NEK9: variants seen among roughly 807,000 people sequenced by gnomAD.
The protein encoded by NEK9 is NIMA related kinase 9.
In NEK9, 75 loss-of-function variants were observed where a neutral mutation model predicts 123.4. The ratio of observed to expected loss-of-function variants is 0.61; its 90% CI spans 0.50 to 0.74. The LOEUF (loss-of-function observed/expected upper bound fraction) is 0.74. Among genes scored for constraint, NEK9 ranks in the 30% least tolerant of loss-of-function variants. NEK9 has a pLI of 0.00. For synonymous variants in NEK9, 438 were observed against 458.7 expected (o/e 0.95, Z 0.58); for missense variants, 952 against 1,214.4 (o/e 0.78, Z 3.21).
intron 1 of NEK9, among the ~76,000 whole-genome samples, chr14:75,125,897 C>A (rs1405823269): frequency 1.3e-5 from 2 of 152,174 alleles, no homozygotes; most frequent in East Asian, 3.9e-4. Context: ...TCTAGTGTAT[C>A]GTTAGTTTTT....
intron 2 of NEK9, among the ~76,000 whole-genome samples, chr14:75,123,445 T>G (rs1285964149): frequency 6.6e-6 from 1 of 151,926 alleles, no homozygotes; most frequent in East Asian, 1.9e-4. Flanking sequence ...ATGAGGAAAC[T>G]GAGGCACAGA....
At chr14:75,110,725 T>C (rs1894933597) in intron 8 of NEK9, among the ~76,000 whole-genome samples, 1 of 151,886 alleles carries the variant, frequency 6.6e-6, no homozygotes, top group Non-Finnish European at 1.5e-5. Flanking sequence ...TATCTCCAAA[T>C]ATGAGCTTGT....
upstream of NEK9, chr14:75,127,141 GC>G (rs1262259472): frequency 2.1e-6 from 1 of 478,110 alleles, no homozygotes; most frequent in African/African-American, 2.0e-5. Flanking sequence ...TAGTCTAGCG[GC>G]CAAGGCTTCC....
Position 75,101,657 on chromosome 14 carries a change from C to A in NEK9, c.1840G>T (p.Glu614Ter). 1.2e-6 allele frequency: 2 copies of A among 1,601,928 alleles called. No homozygotes were observed. Among genetic ancestry groups the A allele is most frequent in the Non-Finnish European group, 1.7e-6 (2 of 1,169,146 alleles). ...PGKTHTAAIDERGRLLTFGCN... is the reference protein window; with the variant it reads ...PGKTHTAAID ...GTGATACAGTTGTAAATCAACTTAC[C>A]ATCAATAGCAGCTGTGTGAGTCTTG... The change falls in exon 15 of 22, where the codon GAG (glutamate) becomes TAG (stop). Residue 614 changes from glutamate (E) to a stop codon, truncating the protein, a stop_gained and splice_region_variant. Coordinates refer to ENST00000238616, the MANE Select transcript of NEK9 (RefSeq NM_033116.6). LOFTEE classifies it high-confidence loss of function.
chr14:75,118,773 G>T, intron 5 of NEK9, 57 bp downstream of exon 5: 1 of 992,670 alleles, frequency 1.0e-6, no homozygotes, highest in Non-Finnish European at 1.6e-6. Flanking sequence ...AGGGAGTACA[G>T]TTATATTTCA....
rs1895048724 is a variant in NEK9, at chr14:75,114,087, ACT to A, written c.873+114_873+115del. On this transcript the variant is annotated intron_variant, in intron 7 of 21. Coordinates refer to ENST00000238616, the MANE Select transcript of NEK9 (RefSeq NM_033116.6). ...CTATTCTGGGTATAGCCACAAATAC[ACT>A]CTACCCTGGGGAAGTGGATGTGGTT... 6 of 685,040 alleles carry A rather than the reference ACT, an allele frequency of 8.8e-6. No homozygotes were observed. In the Admixed American group the frequency reaches 1.0e-4, roughly 12 times the overall value. The allele number at this position is 685,040 out of a possible 1,614,324, so 42.4% of individuals were successfully genotyped here. A position where few individuals can be genotyped will look rare whatever the true frequency, so the allele number is the denominator to read the frequency against.
intron 14 of NEK9, among the ~76,000 whole-genome samples, 198 bp from the exon 15 acceptor site, chr14:75,101,963 C>G (rs1480852756): frequency 6.6e-6 from 1 of 152,148 alleles, no homozygotes; most frequent in Non-Finnish European, 1.5e-5. Context: ...GAGAATGCAG[C>G]ACATGAGGCA....
chr14:75,105,767 G>A (rs985099790), intron 13 of NEK9, among the ~76,000 whole-genome samples, 183 bp downstream of exon 13: 2 of 152,176 alleles, frequency 1.3e-5, no homozygotes, highest in African/African-American at 4.8e-5. Flanking sequence ...TCAATTTTCT[G>A]TGATTTGGTC....
intron 8 of NEK9, among the ~76,000 whole-genome samples, chr14:75,110,713 A>G (rs1236410061): frequency 6.6e-6 from 1 of 151,842 alleles, no homozygotes; most frequent in Non-Finnish European, 1.5e-5. Flanking sequence ...TCCCAAACTC[A>G]GTATCTCCAA....
intron 10 of NEK9, among the ~76,000 whole-genome samples, chr14:75,108,991 G>A (rs187218878): frequency 2.6e-5 from 4 of 152,352 alleles, no homozygotes; most frequent in Admixed American, 2.0e-4. Flanking sequence ...GAAGGAGGGA[G>A]TGGTCAACTA....
At chr14:75,093,199 T>G (rs752314230) in intron 18 of NEK9, among the ~76,000 whole-genome samples, 3 of 152,178 alleles carry the variant, frequency 2.0e-5, no homozygotes, top group Non-Finnish European at 4.4e-5. Context: ...TCTGGAGTGC[T>G]CAATAGCCAC....
rs186733796 is a variant in NEK9, at chr14:75,090,986, A to C, written c.2442+284T>G. ...ATGACAGTATAAAATCTGTAAGCTT[A>C]ATCTTTATATACATGTACTACAAAA... On this transcript the variant is annotated intron_variant, in intron 19 of 21. Transcript: ENST00000238616. 8.5e-5 allele frequency among the ~76,000 whole-genome samples: 13 copies of C among 152,362 alleles called. No homozygotes were observed. In the East Asian group the frequency reaches 2.5e-3, roughly 29 times the overall value.
intron 12 of NEK9, 114 bp downstream of exon 12, chr14:75,106,388 T>TA: frequency 1.3e-6 from 1 of 748,276 alleles, no homozygotes; most frequent in Non-Finnish European, 2.2e-6. Context: ...AAAAAAAAGA[T>TA]TTACTGAATT....
chr14:75,097,801 T>A (rs1894437595), intron 16 of NEK9, among the ~76,000 whole-genome samples: 1 of 152,112 alleles, frequency 6.6e-6, no homozygotes, highest in Admixed American at 6.6e-5. Context: ...TGAACAGAGA[T>A]CTACTGGAGT....
chr14:75,103,193 T>TAAAAAAAAAAAA (rs565837587), intron 14 of NEK9, among the ~76,000 whole-genome samples: 1 of 113,004 alleles, frequency 8.8e-6, no homozygotes, highest in African/African-American at 3.3e-5. Context: ...AAAAGTATAA[T>TAAAAAAAAAAAA]AAAAAAAAAA....
chr14:75,101,791 G>A, intron 14 of NEK9, 26 bp from the exon 15 acceptor site: 2 of 1,504,304 alleles, frequency 1.3e-6, no homozygotes, highest in Non-Finnish European at 1.8e-6. Flanking sequence ...ACACAAAGCA[G>A]ATGCATGAGG....
intron 6 of NEK9, among the ~76,000 whole-genome samples, chr14:75,115,060 CACGT>C (rs996194870): frequency 1.1e-4 from 12 of 107,578 alleles, no homozygotes; most frequent in East Asian, 5.5e-4. Flanking sequence ...CATGTACACA[CACGT>C]GTGTGCACAT....
At chr14:75,105,124 T>A (rs1894726069) in intron 13 of NEK9, among the ~76,000 whole-genome samples, 1 of 152,148 alleles carries the variant, frequency 6.6e-6, no homozygotes, top group South Asian at 2.1e-4. Context: ...GGTGGGGTGA[T>A]GCATGTGTGG....
intron 18 of NEK9, among the ~76,000 whole-genome samples, chr14:75,093,310 T>A (rs1358023692): frequency 1.3e-5 from 2 of 152,228 alleles, no homozygotes; most frequent in Admixed American, 1.3e-4. Context: ...ATTACCTATA[T>A]CACTGTATTT....
Sources: allele counts gnomAD v4.1 joint callset (sites outside exome capture counted in the v4.1 genomes callset), GRCh38; gene constraint gnomAD v4.1.1; transcripts MANE v1.5; gene names NCBI Gene and HGNC (gene_info 2026-07-23, HGNC 2026-07-21).